CCDC88A: variants seen among roughly 807,000 people sequenced by gnomAD.
CCDC88A encodes girdin.
A neutral mutation model predicts 234.3 loss-of-function variants in CCDC88A; 54 were observed. The ratio of observed to expected loss-of-function variants is 0.23; its 90% CI spans 0.19 to 0.29. The LOEUF is 0.29. CCDC88A is among the 10% of genes least tolerant of loss of function. The pLI is 1.00. For missense variants in CCDC88A, 1,832 were observed against 2,123.4 expected (o/e 0.86, Z 2.70); for synonymous variants, 753 against 737.8 (o/e 1.02, Z -0.33).
In CCDC88A at chr2:55,413,944, C is replaced by A. The variant is rs193249100; in HGVS notation, c.164+4872G>T. Reference sequence around the variant, plus strand: ...TCCAGCCCGGGCAACAGAACAAGACCGTCTCAAAAAACAAAAACAAAAACA... The same window carrying A: ...TCCAGCCCGGGCAACAGAACAAGACAGTCTCAAAAAACAAAAACAAAAACA... On this transcript the variant is annotated intron_variant, in intron 2 of 32. Coordinates refer to ENST00000436346, the MANE Select transcript of CCDC88A (RefSeq NM_001365480.1). 9.5e-3 allele frequency among the ~76,000 whole-genome samples: 1,323 copies of A among 138,944 alleles called. 12 individuals carry two copies. Among genetic ancestry groups the A allele is most frequent in the Non-Finnish European group, 0.014 (934 of 64,760 alleles). The allele number at this position is 138,944 out of a possible 152,430, so 91.2% of individuals were successfully genotyped here.
intron 17 of CCDC88A, among the ~76,000 whole-genome samples, chr2:55,324,795 G>A (rs2576707): frequency 0.41 from 62,098 of 151,772 alleles, 13,388 homozygotes; most frequent in East Asian, 0.85. Flanking sequence ...ACAGGTGTGC[G>A]CCACCACGCC....
chr2:55,322,509 A>G lies in CCDC88A; in HGVS notation c.3162+19T>C. 6.9e-7 allele frequency: 1 copy of G among 1,446,794 alleles called. No individual in the cohort carries two copies. Among genetic ancestry groups the G allele is most frequent in the Non-Finnish European group, 9.6e-7 (1 of 1,044,488 alleles). The allele number at this position is 1,446,794 out of a possible 1,614,324, so 89.6% of individuals were successfully genotyped here. A position where few individuals can be genotyped will look rare whatever the true frequency, so the allele number is the denominator to read the frequency against. ...ATTTCTAAAAAAAACTATTTCTACT[A>G]AAATTTAAAAATACTTACATTTCTT... On this transcript the variant is annotated intron_variant, in intron 18 of 32. Coordinates refer to ENST00000436346, the MANE Select transcript of CCDC88A (RefSeq NM_001365480.1).
At chr2:55,322,950 A>C (rs967030696) in intron 17 of CCDC88A, 2 of 275,118 alleles carry the variant, frequency 7.3e-6, no homozygotes, top group Non-Finnish European at 1.3e-5. Flanking sequence ...CCCTGGATTA[A>C]CAGTGGATAT....
At chr2:55,359,068 A>G (rs1670956948) in intron 7 of CCDC88A, among the ~76,000 whole-genome samples, 1 of 152,168 alleles carries the variant, frequency 6.6e-6, no homozygotes, top group African/African-American at 2.4e-5. Flanking sequence ...GCACAAATAA[A>G]CTAGCACTTA....
intron 2 of CCDC88A, among the ~76,000 whole-genome samples, chr2:55,413,896 G>C (rs1260210214): frequency 6.6e-6 from 1 of 151,880 alleles, no homozygotes; most frequent in Admixed American, 6.6e-5. Flanking sequence ...AGGCTGCAGT[G>C]AGCGGTGATC....
At chr2:55,355,009 A>T (rs946569011) in intron 8 of CCDC88A, among the ~76,000 whole-genome samples, 1 of 150,574 alleles carries the variant, frequency 6.6e-6, no homozygotes. Context: ...TTTCAGCACC[A>T]TTGTAATGTT....
chr2:55,379,108 T>C (rs1175187495), intron 3 of CCDC88A, among the ~76,000 whole-genome samples: 1 of 152,134 alleles, frequency 6.6e-6, no homozygotes, highest in Admixed American at 6.6e-5. Context: ...TTATGAGTAA[T>C]ATTAAAAAAT....
chr2:55,348,174 A>G (rs542056417), intron 9 of CCDC88A, among the ~76,000 whole-genome samples: 1 of 152,244 alleles, frequency 6.6e-6, no homozygotes, highest in South Asian at 2.1e-4. Flanking sequence ...CACGTTGCCC[A>G]GGCAGGTCTT....
At position 55,322,604 on chromosome 2, in the gene CCDC88A, T is replaced by G; in HGVS notation, c.3086A>C (p.Lys1029Thr). ...SSPPISGEDN[K>T]WERESQETTR... is the part of the protein sequence containing the mutation. Reference sequence around the variant, plus strand: ...CGTTTCTTGACTTTCTCGCTCCCATTTGTTGTCTTCACCAGATATTGGAGG... The same window carrying G: ...CGTTTCTTGACTTTCTCGCTCCCATGTGTTGTCTTCACCAGATATTGGAGG... The change falls in exon 18 of 33, where the codon AAA becomes ACA. Residue 1029 changes from lysine to threonine, a missense_variant. Around this residue, in one of 6 missense-constraint regions of CCDC88A, gnomAD observed 1,282 missense variants for 1,543.6 expected, o/e 0.83. Coordinates refer to ENST00000436346, the MANE Select transcript of CCDC88A (RefSeq NM_001365480.1). 6.2e-7 allele frequency: 1 copy of G among 1,608,544 alleles called. No homozygotes were observed. The highest frequency in any genetic ancestry group is 2.2e-5 in the East Asian group (1 of 44,780).
At chr2:55,383,288 A>G (rs1322983337) in intron 3 of CCDC88A, among the ~76,000 whole-genome samples, 3 of 152,066 alleles carry the variant, frequency 2.0e-5, no homozygotes, top group Non-Finnish European at 4.4e-5. Flanking sequence ...TAACTTATCC[A>G]AATTCACTTT....
intron 2 of CCDC88A, among the ~76,000 whole-genome samples, chr2:55,402,861 T>C (rs535203582): frequency 1.3e-5 from 2 of 150,572 alleles, no homozygotes; most frequent in South Asian, 2.1e-4. Flanking sequence ...TACAAAAAAT[T>C]AGCCAGGCGT....
intron 2 of CCDC88A, among the ~76,000 whole-genome samples, chr2:55,398,328 C>T (rs2867179): frequency 0.82 from 125,393 of 152,108 alleles, 52,731 homozygotes; most frequent in Admixed American, 0.92. Flanking sequence ...AGTATGAAAA[C>T]AGAACTGAAA....
At chr2:55,343,911 T>C in intron 11 of CCDC88A, 119 bp from the exon 12 acceptor site, 1 of 873,606 alleles carries the variant, frequency 1.1e-6, no homozygotes, top group East Asian at 2.8e-5. Context: ...TATGAGTTCT[T>C]TAAATTTTTC....
At chr2:55,314,253 T>C (rs1232079273) in intron 22 of CCDC88A, 1 of 152,242 alleles carries the variant, frequency 6.6e-6, no homozygotes, top group Non-Finnish European at 1.5e-5. Flanking sequence ...CATACATCAG[T>C]GAGTAGATTA....
chr2:55,332,669 T>C lies in CCDC88A; in HGVS notation c.2752A>G (p.Thr918Ala). Reference sequence around the variant, plus strand: ...TCGAGATCATTGTTCATCTGTTGGGTCTTCAACTTTTCACTCACCAAATCC... The same window carrying C: ...TCGAGATCATTGTTCATCTGTTGGGCCTTCAACTTTTCACTCACCAAATCC... ...REDLVSEKLK[T>A]QQMNNDLEKL... The change falls in exon 16 of 33, where the codon ACC (threonine) becomes GCC (alanine). Residue 918 changes from threonine (T) to alanine (A), a missense_variant. Transcript: ENST00000436346. This position sits in a 1 kb window ranked among gnomAD's most constrained non-coding sequence, Gnocchi z 4.5. 1 of 1,613,520 alleles carries C rather than the reference T, an allele frequency of 6.2e-7. No individual in the cohort carries two copies. The highest frequency in any genetic ancestry group is 8.5e-7 in the Non-Finnish European group (1 of 1,179,736).
rs1685012992 is a variant in CCDC88A at position 55,332,304 on chromosome 2, T to C, written c.2855+262A>G. On this transcript the variant is annotated intron_variant, in intron 16 of 32. Coordinates refer to ENST00000436346, the MANE Select transcript of CCDC88A (RefSeq NM_001365480.1). The surrounding 1 kb of genome is among the most constrained non-coding windows in gnomAD (Gnocchi z 4.5). ...CAGCTAATTTTTTTTGTATTTTTAGTAAAGACAGGGTTTCCCCATGTTGGT... is the reference window on the plus strand; with the variant it reads ...CAGCTAATTTTTTTTGTATTTTTAGCAAAGACAGGGTTTCCCCATGTTGGT... 1 of 220,992 alleles carries C rather than the reference T, an allele frequency of 4.5e-6. No individual in the cohort carries two copies. The highest frequency in any genetic ancestry group is 1.4e-4 in the East Asian group (1 of 7,190). The allele number at this position is 220,992 out of a possible 1,614,324, so 13.7% of individuals were successfully genotyped here. A position where few individuals can be genotyped will look rare whatever the true frequency, so the allele number is the denominator to read the frequency against.
At chr2:55,347,734 C>T (rs1669348505) in intron 9 of CCDC88A, among the ~76,000 whole-genome samples, 1 of 149,814 alleles carries the variant, frequency 6.7e-6, no homozygotes, top group South Asian at 2.1e-4. Flanking sequence ...GCCTCCGCCT[C>T]CCAAGTAGCT....
chr2:55,367,752 T>C (rs1439235896), intron 5 of CCDC88A, among the ~76,000 whole-genome samples: 5 of 152,008 alleles, frequency 3.3e-5, no homozygotes, highest in Non-Finnish European at 7.4e-5. Flanking sequence ...AAACAATAGA[T>C]TGTAGCCATC....
At chr2:55,411,642 G>A (rs1053772948) in intron 2 of CCDC88A, among the ~76,000 whole-genome samples, 16 of 151,774 alleles carry the variant, frequency 1.1e-4, no homozygotes, top group African/African-American at 3.4e-4. Flanking sequence ...CACCAGGCAC[G>A]GTGGTGGGCA....
Sources: allele counts gnomAD v4.1 joint callset (sites outside exome capture counted in the v4.1 genomes callset), GRCh38; gene constraint gnomAD v4.1.1; regional missense constraint gnomAD v4.1.1; non-coding constraint Gnocchi (gnomAD v3.1); transcripts MANE v1.5; gene names NCBI Gene and HGNC (gene_info 2026-07-23, HGNC 2026-07-21).